Variants in ABCA4 observed in about 807,000 individuals in gnomAD.
ABCA4 encodes retinal-specific phospholipid-transporting ATPase ABCA4.
ABCA4 carries 196 observed loss-of-function variants against 263.7 expected under a neutral mutation model. The observed-to-expected ratio is 0.74, with a 90% confidence interval of 0.66 to 0.84. ABCA4 has a LOEUF of 0.84. Ranked by LOEUF, ABCA4 falls within the 40% of genes least tolerant of loss-of-function variation. The pLI is 0.00. For synonymous variants in ABCA4, 1,133 were observed against 1,094.2 expected (o/e 1.04, Z -0.70); for missense variants, 2,792 against 2,855.1 (o/e 0.98, Z 0.50).
At chr1:94,060,372 T>G (rs1661085821) in intron 14 of ABCA4, among the ~76,000 whole-genome samples, 165 bp downstream of exon 14, 1 of 152,120 alleles carries the variant, frequency 6.6e-6, no homozygotes, top group Non-Finnish European at 1.5e-5. Context: ...TTCAGGAGAT[T>G]TCGTCTCTTT....
In ABCA4 at chr1:94,037,227, G is replaced by T. The variant is rs1458777143; in HGVS notation, c.3731C>A (p.Ala1244Asp). ...CTCCTCCAGCTCTCTGAAAAGGCTGGCATATGCTCTGTGCTTGAAGTTCTT... is the reference window on the plus strand; with the variant it reads ...CTCCTCCAGCTCTCTGAAAAGGCTGTCATATGCTCTGTGCTTGAAGTTCTT... ...PNKNFKHRAY[A>D]SLFRELEETL... Residue 1244 changes from alanine (A) to aspartate (D), a missense_variant, in exon 25 of 50, where the codon GCC becomes GAC. Physicochemically the swap from Ala to Asp is moderately radical, Grantham distance 126 (BLOSUM62 -2). Coordinates refer to ENST00000370225, the MANE Select transcript of ABCA4 (RefSeq NM_000350.3). 6.2e-7 allele frequency: 1 copy of T among 1,614,224 alleles called. No homozygotes were observed. The highest frequency in any genetic ancestry group is 1.7e-5 in the Admixed American group (1 of 60,034).
intron 4 of ABCA4, among the ~76,000 whole-genome samples, chr1:94,105,442 C>A (rs1662404283): frequency 6.6e-6 from 1 of 152,076 alleles, no homozygotes; most frequent in Non-Finnish European, 1.5e-5. Flanking sequence ...AGTGTGCTGG[C>A]TTCTGGTACA....
intron 13 of ABCA4, among the ~76,000 whole-genome samples, chr1:94,061,218 G>C (rs1661116853): frequency 6.6e-6 from 1 of 152,196 alleles, no homozygotes; most frequent in Non-Finnish European, 1.5e-5. Context: ...CCCCAGCACA[G>C]TCTGCCCTGG....
At chr1:94,032,656 A>C (rs78396556) in intron 26 of ABCA4, among the ~76,000 whole-genome samples, 3,317 of 152,324 alleles carry the variant, frequency 0.022, 131 homozygotes, top group African/African-American at 0.072. Flanking sequence ...AGAAAACCAA[A>C]CAAACAAACA....
chr1:94,095,270 C>T (rs1662092630), intron 6 of ABCA4, among the ~76,000 whole-genome samples: 1 of 151,374 alleles, frequency 6.6e-6, no homozygotes, highest in East Asian at 2.0e-4. Flanking sequence ...TGGTCTCAGT[C>T]GGTGCTAACC....
In ABCA4 at chr1:94,083,390, C is replaced by T; in HGVS notation, c.820G>A (p.Gly274Arg). The T allele has an allele frequency of 1.2e-6, 2 of 1,613,724 alleles. No individual in the cohort carries two copies. The highest frequency in any genetic ancestry group is 2.2e-5 in the South Asian group (2 of 91,068). Residue 274 changes from glycine (G) to arginine (R), a missense_variant, in exon 7 of 50, where the codon GGA becomes AGA. Transcript: ENST00000370225. ...RSQGINLRSWGGILSDMSPRI... is the reference protein window; with the variant it reads ...RSQGINLRSWRGILSDMSPRI... The stretch of plus-strand genomic sequence containing the variant: ...GGTGACATATCAGATAATATTCCTC[C>T]CCAAGATCTCAGATTGATACCTTGA...
At chr1:94,059,518 A>C (rs1661060565) in intron 14 of ABCA4, 1 of 152,250 alleles carries the variant, frequency 6.6e-6, no homozygotes, top group Non-Finnish European at 1.5e-5. Context: ...GATTTGGCTT[A>C]ACTGGAGATG....
rs567985213 is a variant in ABCA4 at position 94,083,419 on chromosome 1, C to A, written c.791G>T (p.Arg264Leu). The change falls in exon 7 of 50, where the codon CGT becomes CTT. Residue 264 changes from arginine to leucine, a missense_variant. By Grantham distance (102) the Arg-to-Leu change is moderately radical. Transcript: ENST00000370225. Reference protein sequence around the residue: ...FRVLPTLLDSRSQGINLRSWG... With the variant: ...FRVLPTLLDSLSQGINLRSWG... ...AGATCTCAGATTGATACCTTGAGAACGGCTGTCTAGGAGTGTGGGAAGCTG... is the reference window on the plus strand; with the variant it reads ...AGATCTCAGATTGATACCTTGAGAAAGGCTGTCTAGGAGTGTGGGAAGCTG... The A allele has an allele frequency of 6.2e-7, 1 of 1,613,516 alleles. No homozygotes were observed.
In ABCA4 at chr1:94,083,338, A is replaced by G. The variant is rs377668027; in HGVS notation, c.858+14T>C. On this transcript the variant is annotated intron_variant, in intron 7 of 49. Coordinates refer to ENST00000370225, the MANE Select transcript of ABCA4 (RefSeq NM_000350.3). ...ACATAATGAAATTATAATTACTACC[A>G]TCAGGCTACTCACCTCTTGAATTCT... 2.2e-5 allele frequency: 34 copies of G among 1,568,870 alleles called. No individual in the cohort carries two copies. The African/African-American group carries it at 3.1e-4, about 14-fold the overall frequency.
At chr1:94,114,387 C>G (rs1222838971) in intron 1 of ABCA4, among the ~76,000 whole-genome samples, 1 of 152,100 alleles carries the variant, frequency 6.6e-6, no homozygotes, top group Non-Finnish European at 1.5e-5. Context: ...TAACTTTTTA[C>G]AAGATGTTTT....
At chr1:94,030,587 A>C in intron 28 of ABCA4, 61 bp from the exon 29 acceptor site, 11 of 1,488,282 alleles carry the variant, frequency 7.4e-6, no homozygotes, top group African/African-American at 1.4e-5. Context: ...CATGCAACTC[A>C]GAGCCTTTAC....
At chr1:94,063,964 G>A (rs916951090) in intron 11 of ABCA4, among the ~76,000 whole-genome samples, 1 of 151,716 alleles carries the variant, frequency 6.6e-6, no homozygotes, top group Non-Finnish European at 1.5e-5. Flanking sequence ...ACCCACAAAA[G>A]AGCAGAACTA....
At position 94,008,875 on chromosome 1, in the gene ABCA4, G is replaced by C; in HGVS notation, c.5715-4C>G. On this transcript the variant is annotated splice_polypyrimidine_tract_variant and splice_region_variant and intron_variant, in intron 40 of 49. Coordinates refer to ENST00000370225, the MANE Select transcript of ABCA4 (RefSeq NM_000350.3). ...CTCCTTAGTGGGCTCGGCAATCCTA[G>C]ATGAAGAAAAGGGGTCAGGATTGGG... The C allele has an allele frequency of 1.2e-6, 2 of 1,612,130 alleles. No homozygotes were observed. Among genetic ancestry groups the C allele is most frequent in the Non-Finnish European group, 1.7e-6 (2 of 1,179,872 alleles).
chr1:94,052,449 C>T (rs999593398), intron 16 of ABCA4, among the ~76,000 whole-genome samples: 4 of 152,138 alleles, frequency 2.6e-5, no homozygotes, highest in Non-Finnish European at 5.9e-5. Context: ...GTCTATTCCT[C>T]GGGGCAGGTC....
At chr1:94,095,875 G>A (rs939264127) in intron 6 of ABCA4, among the ~76,000 whole-genome samples, 2 of 151,510 alleles carry the variant, frequency 1.3e-5, no homozygotes, top group African/African-American at 2.4e-5. Context: ...CCACCGAGAC[G>A]GAAGCAGGAG....
At chr1:94,091,745 G>A (rs1661974326) in intron 6 of ABCA4, among the ~76,000 whole-genome samples, 1 of 152,174 alleles carries the variant, frequency 6.6e-6, no homozygotes, top group African/African-American at 2.4e-5. Context: ...GACCTCTAAG[G>A]AAGATAAGGC....
chr1:93,996,079 A>G, intron 49 of ABCA4, 30 bp downstream of exon 49: 1 of 1,605,154 alleles, frequency 6.2e-7, no homozygotes, highest in Non-Finnish European at 8.5e-7. Context: ...AACTGCCTCA[A>G]GCTGTGGACT....
At chr1:94,056,943 A>AG in intron 14 of ABCA4, 121 bp from the exon 15 acceptor site, 2 of 822,388 alleles carry the variant, frequency 2.4e-6, no homozygotes, top group Non-Finnish European at 4.1e-6. Context: ...CGCACACTCC[A>AG]TGTGCTGAGT....
intron 4 of ABCA4, among the ~76,000 whole-genome samples, chr1:94,105,864 A>G (rs1211213): frequency 0.27 from 40,956 of 152,128 alleles, 6,743 homozygotes; most frequent in Admixed American, 0.38. Context: ...ATACCTTCCC[A>G]GGTGGCTGTG....
Sources: gnomAD v4.1 joint callset for allele counts (sites outside exome capture counted in the v4.1 genomes callset) on GRCh38, gnomAD v4.1.1 for gene constraint, MANE v1.5 for transcripts, NCBI Gene and HGNC (gene_info 2026-07-23, HGNC 2026-07-21) for gene names.